The following SESTD1 variants were observed in gnomAD, a reference collection of about 807,000 sequenced individuals.
The protein encoded by SESTD1 is SEC14 and spectrin domain containing 1, also known as SEC14 domain and spectrin repeat-containing protein 1.
In SESTD1, 43 loss-of-function variants were observed where a neutral mutation model predicts 101.7. The observed-to-expected ratio is 0.42, with a 90% CI of 0.33 to 0.55. SESTD1 has a LOEUF of 0.55. Among genes scored for constraint, SESTD1 ranks in the 20% least tolerant of loss-of-function variants. SESTD1 has a pLI of 0.07. For missense variants in SESTD1, 647 were observed against 815.1 expected, an observed-to-expected ratio of 0.79 and a Z score of 2.51; for synonymous variants, 283 against 286.8, an observed-to-expected ratio of 0.99 and a Z score of 0.13.
chr2:179,239,611 A>G (rs918263049), intron 1 of SESTD1, among the ~76,000 whole-genome samples: 6 of 152,206 alleles, frequency 3.9e-5, no homozygotes, highest in African/African-American at 1.4e-4. Context: ...CTCTGGGTTT[A>G]GACCTAGGCA....
At chr2:179,251,641 G>A (rs1465062957) in intron 1 of SESTD1, among the ~76,000 whole-genome samples, 1 of 152,184 alleles carries the variant, frequency 6.6e-6, no homozygotes, top group Non-Finnish European at 1.5e-5. Flanking sequence ...AAAATCATAC[G>A]TTAAAATTCT....
intron 9 of SESTD1, among the ~76,000 whole-genome samples, chr2:179,139,164 G>C (rs191350284): frequency 6.6e-6 from 1 of 152,184 alleles, no homozygotes; most frequent in Non-Finnish European, 1.5e-5. Context: ...TATTTAGGTT[G>C]ACAGTGATAA....
chr2:179,193,699 C>A (rs182720281), intron 1 of SESTD1, among the ~76,000 whole-genome samples: 1 of 152,316 alleles, frequency 6.6e-6, no homozygotes, highest in East Asian at 1.9e-4. Flanking sequence ...CCCCAAACAG[C>A]TTGTTGTTTT....
intron 12 of SESTD1, among the ~76,000 whole-genome samples, chr2:179,123,308 A>AT (rs1306956192): frequency 6.6e-6 from 1 of 152,116 alleles, no homozygotes; most frequent in African/African-American, 2.4e-5. Flanking sequence ...CAAACCAACT[A>AT]TTTTTTCACA....
intron 13 of SESTD1, among the ~76,000 whole-genome samples, chr2:179,120,248 G>T (rs1052401479): frequency 1.3e-5 from 2 of 151,702 alleles, no homozygotes; most frequent in Non-Finnish European, 2.9e-5. Context: ...GAAAAGAAAA[G>T]AAAAATTACC....
chr2:179,195,710 A>C (rs1157147672), intron 1 of SESTD1, among the ~76,000 whole-genome samples: 1 of 152,204 alleles, frequency 6.6e-6, no homozygotes, highest in African/African-American at 2.4e-5. Flanking sequence ...TAACTTCCCA[A>C]CAAAAGGAAA....
At chr2:179,194,918 G>A (rs1339087261) in intron 1 of SESTD1, among the ~76,000 whole-genome samples, 1 of 152,140 alleles carries the variant, frequency 6.6e-6, no homozygotes. Flanking sequence ...AACTCCAAAA[G>A]CCAGATCAGA....
At chr2:179,225,392 AC>A (rs149400669) in intron 1 of SESTD1, among the ~76,000 whole-genome samples, 4,483 of 152,266 alleles carry the variant, frequency 0.029, 61 homozygotes, top group South Asian at 0.039. Flanking sequence ...AAAGTCTTTG[AC>A]ATCCCTTAAA....
intron 9 of SESTD1, among the ~76,000 whole-genome samples, chr2:179,132,893 T>C (rs1430958616): frequency 6.6e-6 from 1 of 152,254 alleles, no homozygotes; most frequent in Non-Finnish European, 1.5e-5. Context: ...AACAGCCATA[T>C]GTTCTAACTC....
intron 10 of SESTD1, among the ~76,000 whole-genome samples, chr2:179,126,401 G>C (rs1298268833): frequency 1.3e-5 from 2 of 152,030 alleles, no homozygotes; most frequent in African/African-American, 4.8e-5. Flanking sequence ...TGTTTTCTGA[G>C]ACACAACAGC....
intron 1 of SESTD1, among the ~76,000 whole-genome samples, chr2:179,258,691 GCA>G (rs138536083): frequency 1.3e-5 from 2 of 151,202 alleles, no homozygotes; most frequent in African/African-American, 2.4e-5. Context: ...GTGCATGCAT[GCA>G]CACACACACA....
chr2:179,155,615 C>CA lies in SESTD1; in HGVS notation c.370-4225dup, dbSNP rs113359097. 5.1e-3 allele frequency among the ~76,000 whole-genome samples: 723 copies of CA among 142,500 alleles called. 4 individuals carry two copies. Among genetic ancestry groups the CA allele is most frequent in the South Asian group, 0.018 (82 of 4,482 alleles). The allele number at this position is 142,500 out of a possible 152,430, so 93.5% of individuals were successfully genotyped here. ...CAGGCAACAGAGTGAGATTCTGTCTCAAAAAAAAAACAAAACGTAAGGATG... is the reference window on the plus strand; with the variant it reads ...CAGGCAACAGAGTGAGATTCTGTCTCAAAAAAAAAAACAAAACGTAAGGATG... On this transcript the variant is annotated intron_variant, in intron 5 of 17. Coordinates refer to ENST00000428443, the MANE Select transcript of SESTD1 (RefSeq NM_178123.5).
Position 179,203,457 on chromosome 2 carries a change from A to T in SESTD1, c.-25-11591T>A, listed in dbSNP as rs1471333874. 1.5e-5 allele frequency among the ~76,000 whole-genome samples: 2 copies of T among 132,306 alleles called. 1 individual carries two copies. Among genetic ancestry groups the T allele is most frequent in the Non-Finnish European group, 3.2e-5 (2 of 62,044 alleles). The allele number at this position is 132,306 out of a possible 152,430, so 86.8% of individuals were successfully genotyped here. On this transcript the variant is annotated intron_variant, in intron 1 of 17. Transcript: ENST00000428443. ...AAAAGGGGAGGGGAACAGTTCAGAGAGCTTCCAGGTGGGTGAACACATCAA... is the reference window on the plus strand; with the variant it reads ...AAAAGGGGAGGGGAACAGTTCAGAGTGCTTCCAGGTGGGTGAACACATCAA...
At chr2:179,186,208 AG>A (rs2046229955) in intron 2 of SESTD1, among the ~76,000 whole-genome samples, 1 of 152,062 alleles carries the variant, frequency 6.6e-6, no homozygotes, top group East Asian at 1.9e-4. Flanking sequence ...AAGATAATGC[AG>A]TCCAAATAAC....
chr2:179,113,910 A>G (rs958526833), intron 16 of SESTD1, among the ~76,000 whole-genome samples: 1 of 151,018 alleles, frequency 6.6e-6, no homozygotes, highest in African/African-American at 2.4e-5. Context: ...CATTGGGCCA[A>G]TTGTCACCCT....
At chr2:179,194,868 T>G (rs569423000) in intron 1 of SESTD1, among the ~76,000 whole-genome samples, 4 of 152,196 alleles carry the variant, frequency 2.6e-5, no homozygotes, top group African/African-American at 9.6e-5. Context: ...CTCACTGTCA[T>G]AGCTGTTTAT....
intron 8 of SESTD1, among the ~76,000 whole-genome samples, chr2:179,145,626 A>AGCACTATGTGCTT (rs944483305): frequency 1.4e-4 from 22 of 152,246 alleles, no homozygotes; most frequent in Non-Finnish European, 3.1e-4. Flanking sequence ...CATATCAGGC[A>AGCACTATGTGCTT]GCACTATGTG....
intron 1 of SESTD1, among the ~76,000 whole-genome samples, chr2:179,194,332 C>T (rs1173370329): frequency 2.6e-5 from 4 of 152,126 alleles, no homozygotes; most frequent in African/African-American, 7.2e-5. Flanking sequence ...TGCTCCAGGA[C>T]GTGGCAAATG....
intron 14 of SESTD1, 86 bp downstream of exon 14, chr2:179,117,446 C>G: frequency 1.6e-6 from 2 of 1,221,156 alleles, no homozygotes; most frequent in Non-Finnish European, 2.3e-6. Flanking sequence ...TTTTTAGGAC[C>G]ATGAAAAGTA....
Sources: gnomAD v4.1 joint callset for allele counts (sites outside exome capture counted in the v4.1 genomes callset) on GRCh38, gnomAD v4.1.1 for gene constraint, MANE v1.5 for transcripts, NCBI Gene and HGNC (gene_info 2026-07-23, HGNC 2026-07-21) for gene names.